Variants in HUNK observed in about 807,000 individuals in gnomAD.
HUNK encodes hormonally up-regulated neu tumor-associated kinase.
Under a neutral mutation model 61.0 loss-of-function variants are expected in HUNK, and 21 were observed. The observed-to-expected ratio is 0.34, with a 90% CI of 0.24 to 0.50. The LOEUF is 0.50. Among genes scored for constraint, HUNK ranks in the 20% least tolerant of loss-of-function variants. The pLI, the probability that HUNK is intolerant of heterozygous loss-of-function variation, is 0.98. For synonymous variants in HUNK, 371 were observed against 386.1 expected (o/e 0.96, Z 0.46); for missense variants, 772 against 945.7 (o/e 0.82, Z 2.41).
chr21:31,999,598 T>C lies in HUNK; in HGVS notation c.*414T>C, dbSNP rs563883672. The C allele has an allele frequency of 2.5e-4, 43 of 174,606 alleles. No individual in the cohort carries two copies. The highest frequency in any genetic ancestry group is 9.9e-4 in the African/African-American group (42 of 42,252). 10.8% of individuals were successfully genotyped at this position (174,606 alleles called of 1,614,324 possible). A position where few individuals can be genotyped will look rare whatever the true frequency, so the allele number is the denominator to read the frequency against. ...GGCCACAGTTACAGGGAGAGAACAA[T>C]ATCACAGTCATTCATCCAGGCCACG... is the stretch of plus-strand genomic sequence containing the variant. On this transcript the variant is annotated 3_prime_UTR_variant, in exon 11 of 11. Coordinates refer to ENST00000270112, the MANE Select transcript of HUNK (RefSeq NM_014586.2).
chr21:31,899,619 T>C (rs1452922576), intron 1 of HUNK, among the ~76,000 whole-genome samples: 1 of 152,210 alleles, frequency 6.6e-6, no homozygotes, highest in Non-Finnish European at 1.5e-5. Flanking sequence ...AAACCCAATT[T>C]AACCTATAAT....
At chr21:31,976,832 A>G (rs1411867062) in intron 7 of HUNK, among the ~76,000 whole-genome samples, 1 of 149,338 alleles carries the variant, frequency 6.7e-6, no homozygotes, top group Non-Finnish European at 1.5e-5. Flanking sequence ...GTGCAGTGGC[A>G]TGATCTCGGC....
intron 9 of HUNK, 36 bp from the exon 10 acceptor site, chr21:31,995,732 T>C (rs1207350769): frequency 6.5e-7 from 1 of 1,543,754 alleles, no homozygotes; most frequent in Non-Finnish European, 8.9e-7. Context: ...TCTTCTAGTA[T>C]GTGTCTAAGT....
intron 1 of HUNK, among the ~76,000 whole-genome samples, chr21:31,878,013 C>A (rs555737497): frequency 6.6e-6 from 1 of 152,210 alleles, no homozygotes; most frequent in South Asian, 2.1e-4. Context: ...AATCCCAGCA[C>A]TTTGGGAGGC....
At chr21:31,894,819 C>G (rs1220175486) in intron 1 of HUNK, among the ~76,000 whole-genome samples, 1 of 152,158 alleles carries the variant, frequency 6.6e-6, no homozygotes, top group African/African-American at 2.4e-5. Context: ...CAAGTGGGGT[C>G]TGGATTTCTT....
intron 6 of HUNK, 107 bp downstream of exon 6, chr21:31,968,492 C>T: frequency 2.2e-6 from 3 of 1,353,354 alleles, no homozygotes; most frequent in Non-Finnish European, 3.1e-6. Context: ...AAAAGCCGCG[C>T]TCTCTCTTGG....
intron 5 of HUNK, among the ~76,000 whole-genome samples, chr21:31,965,439 C>T (rs1324236269): frequency 6.6e-6 from 1 of 151,730 alleles, no homozygotes. Flanking sequence ...TGCACATGTA[C>T]CCCCGAACCT....
At chr21:31,976,762 T>G (rs1438260419) in intron 7 of HUNK, among the ~76,000 whole-genome samples, 3 of 148,084 alleles carry the variant, frequency 2.0e-5, no homozygotes, top group African/African-American at 5.0e-5. Context: ...CCAAAGCACC[T>G]GGCCCTCTTT....
chr21:31,922,107 C>T (rs529896487), intron 1 of HUNK, among the ~76,000 whole-genome samples: 3 of 151,992 alleles, frequency 2.0e-5, no homozygotes, highest in African/African-American at 4.8e-5. Flanking sequence ...ACCTCTACCT[C>T]CCAGGTTCAA....
At chr21:31,931,468 C>T (rs1321834753) in intron 2 of HUNK, among the ~76,000 whole-genome samples, 1 of 152,216 alleles carries the variant, frequency 6.6e-6, no homozygotes, top group Non-Finnish European at 1.5e-5. Flanking sequence ...TGTGGCATCT[C>T]CCTCTGCCAG....
rs16988660 is a variant in HUNK at position 31,946,127 on chromosome 21, G to A, written c.702G>A (p.Leu234=). Residue 234 remains leucine (L), a synonymous_variant, in exon 4 of 11, where the codon CTG becomes CTA. Transcript: ENST00000270112. ...GCCCTGCCTACGCTGCACCTGAACTGCTCGCCAGGAAGAAATACGGCCCCA... is the reference window on the plus strand; with the variant it reads ...GCCCTGCCTACGCTGCACCTGAACTACTCGCCAGGAAGAAATACGGCCCCA... The part of the protein sequence containing the change: ...CGSPAYAAPE[L]LARKKYGPKI... 4,316 of 1,613,136 alleles carry A rather than the reference G, an allele frequency of 2.7e-3. 123 individuals carry two copies. In the African/African-American group the frequency reaches 0.051, roughly 19 times the overall value.
intron 7 of HUNK, among the ~76,000 whole-genome samples, chr21:31,975,747 A>G (rs1474280541): frequency 6.6e-6 from 1 of 152,234 alleles, no homozygotes; most frequent in African/African-American, 2.4e-5. Context: ...AGGTTTCTAT[A>G]TGAGAGCTAA....
At chr21:31,916,040 TTTC>T (rs1478288910) in intron 1 of HUNK, among the ~76,000 whole-genome samples, 1 of 115,874 alleles carries the variant, frequency 8.6e-6, no homozygotes, top group African/African-American at 3.4e-5. Flanking sequence ...TACTAAGTGC[TTTC>T]TTTTTTTTTT....
At chr21:31,889,474 G>A (rs2052371464) in intron 1 of HUNK, among the ~76,000 whole-genome samples, 1 of 152,190 alleles carries the variant, frequency 6.6e-6, no homozygotes, top group African/African-American at 2.4e-5. Flanking sequence ...AGCTTTCTCA[G>A]TGCATTCTTG....
intron 1 of HUNK, among the ~76,000 whole-genome samples, chr21:31,917,882 G>A (rs1182396084): frequency 6.6e-6 from 1 of 152,052 alleles, no homozygotes; most frequent in African/African-American, 2.4e-5. Context: ...CTGTTGCCTG[G>A]AACATGCTAA....
chr21:31,998,973 A>G lies in HUNK; in HGVS notation c.1934A>G (p.Asn645Ser), dbSNP rs1188886191. 1.9e-6 allele frequency: 3 copies of G among 1,614,156 alleles called. No homozygotes were observed. Among genetic ancestry groups the G allele is most frequent in the South Asian group, 1.1e-5 (1 of 91,082 alleles). Reference sequence around the variant, plus strand: ...TGTTGCCCACCTCCGGTTCCCAGCAATGGCCCCATGCAGCCTCTGGGGAGC... The same window carrying G: ...TGTTGCCCACCTCCGGTTCCCAGCAGTGGCCCCATGCAGCCTCTGGGGAGC... ...GLCCPPPVPSNGPMQPLGSPN... is the reference protein window; with the variant it reads ...GLCCPPPVPSSGPMQPLGSPN... The change falls in exon 11 of 11, where the codon AAT becomes AGT. Residue 645 changes from asparagine (N) to serine (S), a missense_variant. By Grantham distance (46) the Asn-to-Ser change is conservative. This residue lies in a region of HUNK where 413 missense variants were observed against 444.4 expected (regional missense o/e 0.93). Coordinates refer to ENST00000270112, the MANE Select transcript of HUNK (RefSeq NM_014586.2).
intron 2 of HUNK, among the ~76,000 whole-genome samples, chr21:31,932,408 C>G (rs1018954157): frequency 6.6e-6 from 1 of 152,084 alleles, no homozygotes; most frequent in East Asian, 1.9e-4. Context: ...TCCAACTGAC[C>G]ATCTTGAAAG....
intron 2 of HUNK, among the ~76,000 whole-genome samples, chr21:31,938,676 A>T (rs2052748385): frequency 6.6e-6 from 1 of 152,226 alleles, no homozygotes; most frequent in Non-Finnish European, 1.5e-5. Flanking sequence ...TCTATTCAAA[A>T]GTGAGAAAAT....
At chr21:31,874,978 T>G (rs2123783510) in intron 1 of HUNK, among the ~76,000 whole-genome samples, 2 of 152,270 alleles carry the variant, frequency 1.3e-5, no homozygotes, top group Middle Eastern at 6.8e-3. Context: ...TCAGAGCCAA[T>G]CCAGGCTGGA....
Sources: allele counts gnomAD v4.1 joint callset (sites outside exome capture counted in the v4.1 genomes callset), GRCh38; gene constraint gnomAD v4.1.1; regional missense constraint gnomAD v4.1.1; transcripts MANE v1.5; gene names NCBI Gene and HGNC (gene_info 2026-07-23, HGNC 2026-07-21).